The following ACER3 variants were observed in gnomAD, a reference collection of about 807,000 sequenced individuals.
The protein encoded by ACER3 is alkaline ceramidase 3.
A neutral mutation model predicts 48.9 loss-of-function variants in ACER3; 16 were observed. The observed-to-expected ratio is 0.33, with a 90% CI of 0.22 to 0.50. The LOEUF (loss-of-function observed/expected upper bound fraction) is 0.50, where lower values mean the gene tolerates loss of function less well. ACER3 is among the 20% of genes least tolerant of loss of function. The pLI is 0.98. For missense variants in ACER3, 227 were observed against 326.0 expected (o/e 0.70, Z 2.34); for synonymous variants, 109 against 107.8 (o/e 1.01, Z -0.07).
At chr11:76,910,773 C>T (rs140212995) in intron 1 of ACER3, among the ~76,000 whole-genome samples, 25 of 152,170 alleles carry the variant, frequency 1.6e-4, no homozygotes, top group African/African-American at 5.3e-4. Flanking sequence ...AACCAGTCAC[C>T]GTTATGTACT....
At chr11:76,869,749 T>G (rs1945194484) in intron 1 of ACER3, among the ~76,000 whole-genome samples, 1 of 152,228 alleles carries the variant, frequency 6.6e-6, no homozygotes, top group Non-Finnish European at 1.5e-5. Flanking sequence ...GTACTTGTCT[T>G]TTTGTGAGTG....
chr11:76,927,823 G>A (rs1946872921), intron 2 of ACER3, among the ~76,000 whole-genome samples: 1 of 152,104 alleles, frequency 6.6e-6, no homozygotes, highest in African/African-American at 2.4e-5. Flanking sequence ...GTATTCCCTT[G>A]TGTATATGTG....
intron 2 of ACER3, among the ~76,000 whole-genome samples, chr11:76,936,676 G>T (rs932429838): frequency 2.6e-5 from 4 of 151,334 alleles, no homozygotes; most frequent in Non-Finnish European, 4.4e-5. Context: ...CACAAGAAAA[G>T]GTTTAATATC....
intron 1 of ACER3, among the ~76,000 whole-genome samples, chr11:76,897,795 G>GTCAGTTCTC (rs1383405015): frequency 6.6e-6 from 1 of 152,078 alleles, no homozygotes; most frequent in East Asian, 1.9e-4. Context: ...TAGTTTACTT[G>GTCAGTTCTC]TCAGTTCATC....
intron 2 of ACER3, among the ~76,000 whole-genome samples, chr11:76,947,433 A>G: frequency 6.6e-6 from 1 of 152,228 alleles, no homozygotes; most frequent in East Asian, 1.9e-4. Context: ...TCACTGCCAG[A>G]GTAAATAAAA....
intron 2 of ACER3, among the ~76,000 whole-genome samples, chr11:76,954,940 G>T (rs1947796605): frequency 6.6e-6 from 1 of 152,124 alleles, no homozygotes; most frequent in Non-Finnish European, 1.5e-5. Flanking sequence ...AAAGTTCTGA[G>T]ACAGGAACCA....
intron 1 of ACER3, among the ~76,000 whole-genome samples, chr11:76,916,543 G>A (rs1031055392): frequency 2.0e-5 from 3 of 152,256 alleles, no homozygotes; most frequent in Admixed American, 6.5e-5. Context: ...GTTAAGTGCT[G>A]TAACAAGAGT....
intron 5 of ACER3, among the ~76,000 whole-genome samples, chr11:76,989,424 C>A (rs1948753464): frequency 6.6e-6 from 1 of 151,820 alleles, no homozygotes; most frequent in Non-Finnish European, 1.5e-5. Context: ...CCATTAAATG[C>A]CACAAAGTTT....
Position 76,954,589 on chromosome 11 carries a change from TG to T in ACER3, c.215-4388del, listed in dbSNP as rs751406872. ...ATGTTTTTTTGTTTAGTGGTTTGGTTGGTTTTTTTTTTTGTTTTTTGCTTTT... is the reference window on the plus strand; with the variant it reads ...ATGTTTTTTTGTTTAGTGGTTTGGTTGTTTTTTTTTTTGTTTTTTGCTTTT... On this transcript the variant is annotated intron_variant, in intron 2 of 10. Transcript: ENST00000532485. Among the ~76,000 whole-genome samples, 250 of 148,182 alleles carry T rather than the reference TG, an allele frequency of 1.7e-3. 1 individual carries two copies. Among genetic ancestry groups the T allele is most frequent in the African/African-American group, 3.2e-3 (128 of 39,726 alleles).
Position 76,916,290 on chromosome 11 carries a change from G to A in ACER3, c.104-10267G>A, listed in dbSNP as rs75498792. Among the ~76,000 whole-genome samples, 585 of 152,222 alleles carry A rather than the reference G, an allele frequency of 3.8e-3. 13 individuals are homozygous for A. The highest frequency in any genetic ancestry group is 0.014 in the East Asian group (72 of 5,174). ...TTAGGTTTTAAATACCTGTACTCTT[G>A]AAAATTTGGAACTAGTTTAATTTGC... On this transcript the variant is annotated intron_variant, in intron 1 of 10. Transcript: ENST00000532485.
intron 1 of ACER3, among the ~76,000 whole-genome samples, chr11:76,917,594 T>C (rs1382279833): frequency 1.3e-5 from 2 of 152,022 alleles, no homozygotes; most frequent in African/African-American, 4.8e-5. Flanking sequence ...CAGTGGCTCA[T>C]GCCTGTAATC....
At chr11:76,922,404 C>T (rs1051126339) in intron 1 of ACER3, among the ~76,000 whole-genome samples, 5 of 152,050 alleles carry the variant, frequency 3.3e-5, no homozygotes, top group African/African-American at 1.2e-4. Context: ...TAGTTTGAAT[C>T]TTAGGGCACT....
At chr11:76,903,559 G>A (rs1253759681) in intron 1 of ACER3, among the ~76,000 whole-genome samples, 1 of 150,550 alleles carries the variant, frequency 6.6e-6, no homozygotes, top group Non-Finnish European at 1.5e-5. Flanking sequence ...GGTCTGACAT[G>A]TCTGCTTATA....
intron 1 of ACER3, among the ~76,000 whole-genome samples, chr11:76,906,477 C>T (rs1946234500): frequency 6.6e-6 from 1 of 152,178 alleles, no homozygotes. Flanking sequence ...ATTGTATCTC[C>T]AACCAATCAG....
intron 1 of ACER3, among the ~76,000 whole-genome samples, chr11:76,875,189 G>GTGCAA (rs1945341710): frequency 7.0e-6 from 1 of 142,114 alleles, no homozygotes; most frequent in African/African-American, 2.6e-5. Context: ...TCTTGGCTCA[G>GTGCAA]TGCAACCTCC....
intron 1 of ACER3, among the ~76,000 whole-genome samples, chr11:76,915,329 C>T (rs868077552): frequency 2.0e-5 from 3 of 152,048 alleles, no homozygotes; most frequent in Admixed American, 6.6e-5. Context: ...TGGGCTTTCT[C>T]ATGCCCCGTG....
chr11:76,882,005 T>TC, intron 1 of ACER3, among the ~76,000 whole-genome samples: 1 of 28,374 alleles, frequency 3.5e-5, no homozygotes, highest in East Asian at 1.2e-3. Flanking sequence ...TAAAAAATCT[T>TC]TTTTTTTTTT....
At chr11:76,871,927 A>C (rs1376174941) in intron 1 of ACER3, among the ~76,000 whole-genome samples, 1 of 152,202 alleles carries the variant, frequency 6.6e-6, no homozygotes, top group African/African-American at 2.4e-5. Flanking sequence ...TGCTACAAAA[A>C]GTCTGTTCTG....
intron 1 of ACER3, among the ~76,000 whole-genome samples, chr11:76,892,823 GAGAA>G: frequency 6.6e-6 from 1 of 152,232 alleles, no homozygotes; most frequent in South Asian, 2.1e-4. Context: ...AATTTGTCAC[GAGAA>G]AGAAAGGAAT....
Sources: allele counts gnomAD v4.1 joint callset (sites outside exome capture counted in the v4.1 genomes callset), GRCh38; gene constraint gnomAD v4.1.1; transcripts MANE v1.5; gene names NCBI Gene and HGNC (gene_info 2026-07-23, HGNC 2026-07-21).